GTPBP10: variants seen among roughly 807,000 people sequenced by gnomAD.
GTPBP10 encodes the protein GTP binding protein 10.
GTPBP10 carries 38 observed loss-of-function variants against 44.8 expected under a neutral mutation model. That is an observed-to-expected ratio of 0.85 (90% CI 0.65 to 1.11). GTPBP10 has a LOEUF of 1.11. Ranked by LOEUF, GTPBP10 falls within the 50% of genes most tolerant of loss-of-function variation. The probability of loss-of-function intolerance (pLI) is 0.00; values close to 1 mark genes in which losing one functional copy is unlikely to be tolerated. For missense variants in GTPBP10, 462 were observed against 453.7 expected, an observed-to-expected ratio of 1.02 and a Z score of -0.17; for synonymous variants, 152 against 150.6, an observed-to-expected ratio of 1.01 and a Z score of -0.07.
chr7:90,381,254 G>A (rs1207193320), intron 8 of GTPBP10, among the ~76,000 whole-genome samples: 1 of 152,114 alleles, frequency 6.6e-6, no homozygotes, highest in Non-Finnish European at 1.5e-5. Context: ...CCACTCAACG[G>A]TGTTCAAGAG....
rs1168600426 is a variant in GTPBP10 at position 90,389,366 on chromosome 7, T to C, written c.*4212T>C. On this transcript the variant is annotated 3_prime_UTR_variant, in exon 10 of 10. Coordinates refer to ENST00000222511, the MANE Select transcript of GTPBP10 (RefSeq NM_033107.4). ...TACATGAGTTGTTTTTTAAACTCTTTTGGGAGCCTAAAAAATTTGAATTTT... is the reference window on the plus strand; with the variant it reads ...TACATGAGTTGTTTTTTAAACTCTTCTGGGAGCCTAAAAAATTTGAATTTT... The C allele has an allele frequency of 6.6e-6, 1 of 151,494 alleles. No individual in the cohort carries two copies. The highest frequency in any genetic ancestry group is 1.9e-4 in the East Asian group (1 of 5,176). The allele number at this position is 151,494 out of a possible 1,614,324, so 9.4% of individuals were successfully genotyped here.
At position 90,356,097 on chromosome 7, in the gene GTPBP10, C is replaced by T. The variant is rs1393068416; in HGVS notation, c.464+867C>T. ...ATTCCTAGTTCTATTTTTTGCTTCC[C>T]CATAGCTTCTTTCTAAGTTCTTTTC... On this transcript the variant is annotated intron_variant, in intron 4 of 9. Transcript: ENST00000222511. Among the ~76,000 whole-genome samples, 7 of 151,928 alleles carry T rather than the reference C, an allele frequency of 4.6e-5. No individual in the cohort carries two copies. In the East Asian group the frequency reaches 9.6e-4, roughly 21 times the overall value.
chr7:90,352,818 T>C lies in GTPBP10; in HGVS notation c.36T>C (p.Tyr12=), dbSNP rs6972561. ...VHCSCVLFRK[Y]GNFIDKLRLF... ...ATTCTTTCTCTTTTTTTTTTAAGTA[T>C]GGAAATTTCATCGATAAGCTAAGAC... Residue 12 remains tyrosine (Y), a splice_region_variant and synonymous_variant, in exon 2 of 10, where the codon TAT becomes TAC. Transcript: ENST00000222511. 324,439 of 1,581,352 alleles carry C rather than the reference T, an allele frequency of 0.21. 35,186 individuals are homozygous for C. The highest frequency in any genetic ancestry group is 0.35 in the African/African-American group (25,752 of 72,878).
intron 4 of GTPBP10, chr7:90,371,286 C>G (rs1796253085): frequency 2.5e-6 from 1 of 393,556 alleles, no homozygotes; most frequent in Admixed American, 6.4e-5. Flanking sequence ...GAAAGTCTGT[C>G]AATAGGAAAT....
intron 6 of GTPBP10, among the ~76,000 whole-genome samples, chr7:90,376,246 A>C (rs1311071142): frequency 6.6e-6 from 1 of 152,088 alleles, no homozygotes; most frequent in Non-Finnish European, 1.5e-5. Context: ...AAAAGAAAAG[A>C]AAAGCACAAG....
At chr7:90,365,993 A>G (rs1308554849) in intron 4 of GTPBP10, among the ~76,000 whole-genome samples, 2 of 152,188 alleles carry the variant, frequency 1.3e-5, no homozygotes, top group African/African-American at 4.8e-5. Flanking sequence ...AATTTTCTCG[A>G]AGGCCTTTTC....
chr7:90,351,598 A>C (rs914888588), intron 1 of GTPBP10, among the ~76,000 whole-genome samples: 1 of 152,192 alleles, frequency 6.6e-6, no homozygotes, highest in Non-Finnish European at 1.5e-5. Context: ...TTTCTAATAT[A>C]TTTATTGAAA....
intron 1 of GTPBP10, among the ~76,000 whole-genome samples, chr7:90,352,104 G>A (rs1795801507): frequency 6.6e-6 from 1 of 152,124 alleles, no homozygotes; most frequent in Non-Finnish European, 1.5e-5. Flanking sequence ...ATGCAATAAG[G>A]AAAAAATGCC....
intron 4 of GTPBP10, among the ~76,000 whole-genome samples, 161 bp downstream of exon 4, chr7:90,355,391 A>G (rs1161156613): frequency 6.6e-6 from 1 of 152,168 alleles, no homozygotes; most frequent in African/African-American, 2.4e-5. Flanking sequence ...TTATTTTCAA[A>G]TTGCCAACAC....
At chr7:90,384,605 A>C (rs55762592) in intron 9 of GTPBP10, among the ~76,000 whole-genome samples, 1,667 of 147,604 alleles carry the variant, frequency 0.011, 30 homozygotes, top group African/African-American at 0.04. Flanking sequence ...CCCCCCCCAC[A>C]CACACAAAAT....
intron 8 of GTPBP10, among the ~76,000 whole-genome samples, chr7:90,380,074 C>CTTTTT (rs58735928): frequency 1.8e-3 from 192 of 104,306 alleles, no homozygotes; most frequent in Non-Finnish European, 2.3e-3. Flanking sequence ...AGTCCCTTCT[C>CTTTTT]TTTTTTTTTT....
At chr7:90,368,177 T>A (rs1220567365) in intron 4 of GTPBP10, among the ~76,000 whole-genome samples, 1 of 152,228 alleles carries the variant, frequency 6.6e-6, no homozygotes, top group Non-Finnish European at 1.5e-5. Flanking sequence ...CTTCCCTTTG[T>A]GGGTAACCGT....
At chr7:90,373,741 A>G (rs28947775) in intron 5 of GTPBP10, among the ~76,000 whole-genome samples, 3 of 152,230 alleles carry the variant, frequency 2.0e-5, no homozygotes, top group Admixed American at 6.5e-5. Flanking sequence ...CTGAACATCT[A>G]TCACTCACCT....
chr7:90,359,570 T>G (rs2115652659), intron 4 of GTPBP10, among the ~76,000 whole-genome samples: 1 of 152,358 alleles, frequency 6.6e-6, no homozygotes, highest in South Asian at 2.1e-4. Context: ...GTTCCAAGTC[T>G]TTGCTATTGT....
chr7:90,375,580 A>G (rs1406967541), intron 6 of GTPBP10, among the ~76,000 whole-genome samples: 2 of 152,210 alleles, frequency 1.3e-5, no homozygotes, highest in South Asian at 2.1e-4. Context: ...TGTATTAAAT[A>G]TAGGATAATA....
Position 90,384,594 on chromosome 7 carries a change from A to ACC in GTPBP10, c.902-291_902-290dup, listed in dbSNP as rs555620480. Reference sequence around the variant, plus strand: ...AATCAATGCTGCCTTGCCTTATTTAACCCCCCCCACACACACAAAATTTAT... The same window carrying ACC: ...AATCAATGCTGCCTTGCCTTATTTAACCCCCCCCCCACACACACAAAATTTAT... On this transcript the variant is annotated intron_variant, in intron 9 of 9. Transcript: ENST00000222511. 6.7e-3 allele frequency among the ~76,000 whole-genome samples: 998 copies of ACC among 148,794 alleles called. 14 individuals carry two copies. Among genetic ancestry groups the ACC allele is most frequent in the African/African-American group, 0.024 (954 of 39,616 alleles).
At chr7:90,365,448 T>G (rs1346561274) in intron 4 of GTPBP10, among the ~76,000 whole-genome samples, 1 of 139,426 alleles carries the variant, frequency 7.2e-6, no homozygotes, top group African/African-American at 2.7e-5. Context: ...GGATCTCGGC[T>G]CACTGCAAGC....
At chr7:90,349,975 G>A (rs879550124) in intron 1 of GTPBP10, among the ~76,000 whole-genome samples, 1 of 151,836 alleles carries the variant, frequency 6.6e-6, no homozygotes, top group Non-Finnish European at 1.5e-5. Context: ...ACAGCGTGCA[G>A]GTTTGTTACA....
chr7:90,357,703 A>G (rs1306067543), intron 4 of GTPBP10, among the ~76,000 whole-genome samples: 2 of 152,178 alleles, frequency 1.3e-5, no homozygotes, highest in Admixed American at 6.5e-5. Context: ...TCAGTGCTCA[A>G]TAAATATTTG....
Sources: gnomAD v4.1 joint callset for allele counts (sites outside exome capture counted in the v4.1 genomes callset) on GRCh38, gnomAD v4.1.1 for gene constraint, MANE v1.5 for transcripts, NCBI Gene and HGNC (gene_info 2026-07-23, HGNC 2026-07-21) for gene names.